ANTXR2: variants seen among roughly 807,000 people sequenced by gnomAD.
The protein encoded by ANTXR2 is anthrax toxin receptor 2.
Under a neutral mutation model 73.7 loss-of-function variants are expected in ANTXR2, and 44 were observed. The ratio of observed to expected loss-of-function variants is 0.60; its 90% CI spans 0.47 to 0.77. The LOEUF (loss-of-function observed/expected upper bound fraction) is 0.77, where lower values mean the gene tolerates loss of function less well. Among genes scored for constraint, ANTXR2 ranks in the 30% least tolerant of loss-of-function variants. The pLI, the probability that ANTXR2 is intolerant of heterozygous loss-of-function variation, is 0.00. For synonymous variants in ANTXR2, 217 were observed against 205.9 expected (o/e 1.05, Z -0.46); for missense variants, 604 against 592.5 (o/e 1.02, Z -0.20).
At chr4:80,028,638 A>T (rs1331728913) in intron 10 of ANTXR2, among the ~76,000 whole-genome samples, 2 of 152,124 alleles carry the variant, frequency 1.3e-5, no homozygotes, top group Admixed American at 1.3e-4. Context: ...CTCACACAGG[A>T]AAAACCTTCA....
At chr4:80,054,547 T>C (rs1202052375) in intron 6 of ANTXR2, among the ~76,000 whole-genome samples, 195 bp from the exon 7 acceptor site, 4 of 151,728 alleles carry the variant, frequency 2.6e-5, no homozygotes, top group Non-Finnish European at 5.9e-5. Flanking sequence ...ACAAAATGAA[T>C]TGAGATCAGT....
intron 16 of ANTXR2, among the ~76,000 whole-genome samples, chr4:79,944,331 C>G (rs1310544663): frequency 9.1e-6 from 1 of 109,858 alleles, no homozygotes; most frequent in Non-Finnish European, 1.8e-5. Context: ...ACTTTGTTAT[C>G]CATTGTGACT....
intron 12 of ANTXR2, among the ~76,000 whole-genome samples, chr4:79,989,811 T>C (rs1445126098): frequency 6.6e-6 from 1 of 152,138 alleles, no homozygotes; most frequent in Non-Finnish European, 1.5e-5. Flanking sequence ...ATCCCTGGGA[T>C]GCAAGGTTGG....
chr4:79,950,129 A>T (rs1046767827), intron 16 of ANTXR2, among the ~76,000 whole-genome samples: 4 of 151,926 alleles, frequency 2.6e-5, no homozygotes, highest in African/African-American at 9.7e-5. Context: ...TTAAATAGTC[A>T]TCCTAAAACC....
rs558612769 is a variant in ANTXR2 at position 79,999,108 on chromosome 4, T to C, written c.1041+9413A>G. Among the ~76,000 whole-genome samples the C allele has an allele frequency of 7.2e-5, 11 of 152,162 alleles. 1 individual carries two copies. In the South Asian group the frequency reaches 1.9e-3, roughly 26 times the overall value. ...AAAAGCATCTTGGCTGACCAGATCT[T>C]CTATGGCAGGAGTTTTTCCTTAATC... On this transcript the variant is annotated intron_variant, in intron 12 of 16. Coordinates refer to ENST00000403729, the MANE Select transcript of ANTXR2 (RefSeq NM_058172.6).
At chr4:79,956,854 G>C (rs1191580565) in intron 16 of ANTXR2, among the ~76,000 whole-genome samples, 1 of 152,022 alleles carries the variant, frequency 6.6e-6, no homozygotes, top group Non-Finnish European at 1.5e-5. Flanking sequence ...CAAGGAAGGA[G>C]ACCCCGGGCA....
intron 10 of ANTXR2, among the ~76,000 whole-genome samples, chr4:80,029,760 G>A (rs1732604472): frequency 6.6e-6 from 1 of 151,666 alleles, no homozygotes; most frequent in South Asian, 2.1e-4. Flanking sequence ...TTCTACATCA[G>A]GGGAAGAGCA....
intron 12 of ANTXR2, among the ~76,000 whole-genome samples, chr4:80,004,665 T>C (rs980768778): frequency 6.6e-6 from 1 of 152,172 alleles, no homozygotes; most frequent in African/African-American, 2.4e-5. Flanking sequence ...ACTGCATTTA[T>C]GACCCATCTA....
intron 10 of ANTXR2, among the ~76,000 whole-genome samples, chr4:80,029,332 C>T (rs1160975983): frequency 6.8e-6 from 1 of 147,480 alleles, no homozygotes; most frequent in Admixed American, 6.8e-5. Context: ...TATTTGAAAG[C>T]CAAGATTTTT....
At chr4:79,973,516 C>A in intron 16 of ANTXR2, among the ~76,000 whole-genome samples, 1 of 152,050 alleles carries the variant, frequency 6.6e-6, no homozygotes, top group East Asian at 1.9e-4. Context: ...CAACCTTCAC[C>A]TCCTGGGTTC....
At chr4:80,060,565 C>A (rs754300307) in intron 3 of ANTXR2, among the ~76,000 whole-genome samples, 10 of 152,198 alleles carry the variant, frequency 6.6e-5, no homozygotes, top group Admixed American at 2.0e-4. Flanking sequence ...CCAAGCTCAA[C>A]CTTGTTTCTT....
chr4:79,994,799 G>A (rs188474054), intron 12 of ANTXR2, among the ~76,000 whole-genome samples: 157 of 151,992 alleles, frequency 1.0e-3, no homozygotes, highest in African/African-American at 3.4e-3. Flanking sequence ...CTTCACCGGA[G>A]GTCCTTTATC....
chr4:80,011,050 G>C (rs1434944204), intron 11 of ANTXR2, among the ~76,000 whole-genome samples: 2 of 152,018 alleles, frequency 1.3e-5, no homozygotes, highest in African/African-American at 4.8e-5. Flanking sequence ...GGGAGGCTGA[G>C]GCAGGAGAAT....
chr4:80,046,606 T>C (rs373755196), intron 7 of ANTXR2, among the ~76,000 whole-genome samples: 1 of 151,810 alleles, frequency 6.6e-6, no homozygotes, highest in South Asian at 2.1e-4. Flanking sequence ...ATGAAGTATA[T>C]CTGCCAAGCA....
At chr4:79,915,860 CTCTATATA>C (rs1341701168) in intron 16 of ANTXR2, among the ~76,000 whole-genome samples, 2 of 121,916 alleles carry the variant, frequency 1.6e-5, no homozygotes, top group East Asian at 2.5e-4. Context: ...CTCTCTCTCT[CTCTATATA>C]TATATATATA....
intron 16 of ANTXR2, among the ~76,000 whole-genome samples, chr4:79,933,086 C>T (rs763955348): frequency 2.1e-4 from 32 of 151,968 alleles, no homozygotes; most frequent in Non-Finnish European, 4.4e-4. Context: ...TGGTGCCTTC[C>T]CACGGTGAAA....
At chr4:79,985,615 A>G (rs1454078539) in intron 12 of ANTXR2, among the ~76,000 whole-genome samples, 1 of 152,094 alleles carries the variant, frequency 6.6e-6, no homozygotes, top group Non-Finnish European at 1.5e-5. Context: ...TATGGGACAT[A>G]TAAGAGAAAA....
chr4:79,983,891 A>T lies in ANTXR2; in HGVS notation c.1166T>A (p.Ile389Asn). The T allele has an allele frequency of 6.2e-7, 1 of 1,611,968 alleles. No homozygotes were observed. The highest frequency in any genetic ancestry group is 8.5e-7 in the Non-Finnish European group (1 of 1,178,810). The change falls in exon 14 of 17, where the codon ATT becomes AAT. Residue 389 changes from isoleucine (I) to asparagine (N), a missense_variant. Physicochemically the swap from Ile to Asn is moderately radical, Grantham distance 149. Transcript: ENST00000403729. ...SYYGGRGVGG[I>N]KRMEVRWGDK... ...TAAGATACCAACCTCCATTCTTTTA[A>T]TTCCTCCAACCCCTCGACCACCATA...
intron 10 of ANTXR2, among the ~76,000 whole-genome samples, chr4:80,029,769 C>G (rs1000540282): frequency 6.6e-6 from 1 of 151,596 alleles, no homozygotes; most frequent in Non-Finnish European, 1.5e-5. Context: ...AGGGGAAGAG[C>G]AATCCAAGCA....
Sources: allele counts gnomAD v4.1 joint callset (sites outside exome capture counted in the v4.1 genomes callset), GRCh38; gene constraint gnomAD v4.1.1; transcripts MANE v1.5; gene names NCBI Gene and HGNC (gene_info 2026-07-23, HGNC 2026-07-21).